PRKG1: variants seen among roughly 807,000 people sequenced by gnomAD.
PRKG1 encodes the protein protein kinase cGMP-dependent 1.
Under a neutral mutation model 88.1 loss-of-function variants are expected in PRKG1, and 35 were observed. That is an observed-to-expected ratio of 0.40 (90% CI 0.30 to 0.53). The LOEUF (loss-of-function observed/expected upper bound fraction) is 0.53. Ranked by LOEUF, PRKG1 falls within the 20% of genes least tolerant of loss-of-function variation. The pLI is 0.59. For synonymous variants in PRKG1, 303 were observed against 292.5 expected, an observed-to-expected ratio of 1.04 and a Z score of -0.37; for missense variants, 540 against 839.8, an observed-to-expected ratio of 0.64 and a Z score of 4.41.
chr10:52,033,317 G>GGTTGATAAAACGTACCTGGTCAAA (rs1845517507), intron 5 of PRKG1, among the ~76,000 whole-genome samples: 2 of 152,126 alleles, frequency 1.3e-5, no homozygotes, highest in African/African-American at 4.8e-5. Context: ...AAGTGGTCAA[G>GGTTGATAAAACGTACCTGGTCAAA]GTTGATAAAA....
chr10:52,033,150 T>C (rs1374346903), intron 5 of PRKG1, among the ~76,000 whole-genome samples: 2 of 152,184 alleles, frequency 1.3e-5, no homozygotes, highest in African/African-American at 4.8e-5. Flanking sequence ...ACCTTAGTAC[T>C]TTCTACTGAG....
chr10:51,817,051 A>G (rs1379340710), intron 4 of PRKG1, among the ~76,000 whole-genome samples: 1 of 152,206 alleles, frequency 6.6e-6, no homozygotes, highest in Non-Finnish European at 1.5e-5. Context: ...AATTTTAATT[A>G]CACAGAATTC....
intron 5 of PRKG1, among the ~76,000 whole-genome samples, chr10:51,992,864 T>C (rs952997950): frequency 6.6e-6 from 1 of 152,218 alleles, no homozygotes; most frequent in Non-Finnish European, 1.5e-5. Context: ...TCAGTTTGAA[T>C]CAGTAGAAGA....
At chr10:51,431,652 T>C (rs887105399) in intron 2 of PRKG1, among the ~76,000 whole-genome samples, 34 of 152,088 alleles carry the variant, frequency 2.2e-4, no homozygotes, top group African/African-American at 7.7e-4. Flanking sequence ...CTATCCTCAG[T>C]TGGGGGGCTA....
intron 4 of PRKG1, among the ~76,000 whole-genome samples, chr10:51,834,327 T>C (rs561081185): frequency 6.6e-6 from 1 of 152,198 alleles, no homozygotes; most frequent in South Asian, 2.1e-4. Flanking sequence ...AACTGTGTTC[T>C]AGGCCTAAAT....
chr10:51,950,301 G>A (rs900943038), intron 5 of PRKG1, among the ~76,000 whole-genome samples: 1 of 152,142 alleles, frequency 6.6e-6, no homozygotes, highest in East Asian at 1.9e-4. Flanking sequence ...ATCTCTTAGT[G>A]ATTAATATAA....
chr10:52,003,470 AAGAAC>A (rs1330835457), intron 5 of PRKG1, among the ~76,000 whole-genome samples: 1 of 152,212 alleles, frequency 6.6e-6, no homozygotes, highest in African/African-American at 2.4e-5. Flanking sequence ...GAAACATTGT[AAGAAC>A]AGCAACAGTA....
chr10:51,246,604 G>GA (rs893201614), intron 2 of PRKG1, among the ~76,000 whole-genome samples: 41 of 76,096 alleles, frequency 5.4e-4, no homozygotes, highest in South Asian at 3.5e-4. Context: ...AACAGCAACA[G>GA]AAAAAAAAGA....
At chr10:51,164,102 GT>G (rs1846454842) in intron 2 of PRKG1, among the ~76,000 whole-genome samples, 1 of 152,176 alleles carries the variant, frequency 6.6e-6, no homozygotes, top group Non-Finnish European at 1.5e-5. Context: ...CCTGAAGTGG[GT>G]CCCTGACCCC....
At chr10:52,271,571 T>G (rs1841731757) in intron 11 of PRKG1, 82 bp downstream of exon 11, 31 of 1,424,582 alleles carry the variant, frequency 2.2e-5, no homozygotes, top group Non-Finnish European at 2.8e-5. Context: ...TTGTGCTCAC[T>G]GTTAACACAT....
At chr10:51,067,434 C>A (rs916597827) in intron 1 of PRKG1, among the ~76,000 whole-genome samples, 28 of 151,948 alleles carry the variant, frequency 1.8e-4, no homozygotes, top group Non-Finnish European at 4.4e-5. Flanking sequence ...GAGGGTCTAA[C>A]CAGTGGAAAC....
intron 5 of PRKG1, among the ~76,000 whole-genome samples, chr10:51,913,367 C>G (rs538395608): frequency 2.6e-5 from 4 of 152,300 alleles, no homozygotes; most frequent in Admixed American, 2.6e-4. Flanking sequence ...AACCCCCACG[C>G]CCTATCCTCC....
chr10:51,595,296 TG>T (rs1209299840), intron 3 of PRKG1, among the ~76,000 whole-genome samples: 1 of 152,044 alleles, frequency 6.6e-6, no homozygotes, highest in East Asian at 1.9e-4. Context: ...TGCAGTGACC[TG>T]GGCAAGAGGG....
chr10:52,156,708 C>G (rs1838114586), intron 8 of PRKG1, among the ~76,000 whole-genome samples: 1 of 151,742 alleles, frequency 6.6e-6, no homozygotes, highest in South Asian at 2.1e-4. Context: ...AACATAAGAA[C>G]ACTTGAAGCC....
chr10:51,766,297 C>T (rs1347178820), intron 3 of PRKG1, among the ~76,000 whole-genome samples: 3 of 152,164 alleles, frequency 2.0e-5, no homozygotes. Flanking sequence ...CTGGTATCTC[C>T]ACCCTGTCCT....
intron 2 of PRKG1, among the ~76,000 whole-genome samples, chr10:51,332,915 T>G (rs1031368262): frequency 6.6e-6 from 1 of 152,178 alleles, no homozygotes; most frequent in African/African-American, 2.4e-5. Context: ...ATAGTCAACA[T>G]TTATTCAGTG....
chr10:51,186,820 C>T (rs1837499638), intron 2 of PRKG1, among the ~76,000 whole-genome samples: 3 of 151,674 alleles, frequency 2.0e-5, no homozygotes, highest in Admixed American at 1.3e-4. Flanking sequence ...GTGCAAGGCA[C>T]ACTTGCCATT....
rs181844970 is a variant in PRKG1 at position 51,712,870 on chromosome 10, A to G, written c.593-91715A>G. ...TATTTAATCCTCATCCTCACATAAG[A>G]CAGCCATGTGAATCCAAACAATTAT... On this transcript the variant is annotated intron_variant, in intron 3 of 17. Transcript: ENST00000373980. Among the ~76,000 whole-genome samples the G allele has an allele frequency of 1.1e-4, 16 of 152,092 alleles. No homozygotes were observed. In the East Asian group the frequency reaches 2.9e-3, roughly 28 times the overall value.
chr10:51,077,629 T>C (rs1843990642), intron 1 of PRKG1, among the ~76,000 whole-genome samples: 1 of 152,216 alleles, frequency 6.6e-6, no homozygotes, highest in Non-Finnish European at 1.5e-5. Flanking sequence ...GCTTGGAATT[T>C]TTCCTTTAAT....
Sources: gnomAD v4.1 joint callset for allele counts (sites outside exome capture counted in the v4.1 genomes callset) on GRCh38, gnomAD v4.1.1 for gene constraint, MANE v1.5 for transcripts, NCBI Gene and HGNC (gene_info 2026-07-23, HGNC 2026-07-21) for gene names.